The following CRABP1 variants were observed in gnomAD, a reference collection of about 807,000 sequenced individuals.
The protein encoded by CRABP1 is cellular retinoic acid-binding protein 1.
CRABP1 carries 9 observed loss-of-function variants against 16.4 expected under a neutral mutation model. The ratio of observed to expected loss-of-function variants is 0.55; its 90% CI spans 0.33 to 0.96. CRABP1 has a LOEUF of 0.96. Ranked by LOEUF, CRABP1 falls within the 40% of genes least tolerant of loss-of-function variation. CRABP1 has a pLI of 0.03. For missense variants in CRABP1, 157 were observed against 186.0 expected, an observed-to-expected ratio of 0.84 and a Z score of 0.91; for synonymous variants, 72 against 70.4, an observed-to-expected ratio of 1.02 and a Z score of -0.11.
chr15:78,345,303 G>C (rs898422380), intron 3 of CRABP1, among the ~76,000 whole-genome samples: 1 of 152,164 alleles, frequency 6.6e-6, no homozygotes, highest in African/African-American at 2.4e-5. Context: ...GAGACTGCTT[G>C]ATCTTTCTCT....
In CRABP1 at chr15:78,340,443, C is replaced by T. The variant is rs748718781; in HGVS notation, c.15C>T (p.Ala5=). The change falls in exon 1 of 4, where the codon GCC becomes GCT. Residue 5 remains alanine, a synonymous_variant. Transcript: ENST00000299529. Reference sequence around the variant, plus strand: ...CCACCGCCACCATGCCCAACTTCGCCGGCACCTGGAAGATGCGCAGCAGCG... The same window carrying T: ...CCACCGCCACCATGCCCAACTTCGCTGGCACCTGGAAGATGCGCAGCAGCG... MPNF[A]GTWKMRSSEN... The T allele has an allele frequency of 6.2e-7, 1 of 1,602,250 alleles. No individual in the cohort carries two copies. Among genetic ancestry groups the T allele is most frequent in the Non-Finnish European group, 8.5e-7 (1 of 1,175,940 alleles).
intron 3 of CRABP1, 84 bp from the exon 4 acceptor site, chr15:78,347,843 T>G: frequency 7.9e-7 from 1 of 1,258,010 alleles, no homozygotes; most frequent in Non-Finnish European, 1.2e-6. Flanking sequence ...AACAGGGCAA[T>G]AAGTGGCCTT....
Position 78,343,415 on chromosome 15 carries a change from C to T in CRABP1, c.250-84C>T, listed in dbSNP as rs1595955508. The T allele has an allele frequency of 1.2e-5, 12 of 1,038,492 alleles. No homozygotes were observed. In the East Asian group the frequency reaches 3.0e-4, roughly 26 times the overall value. The allele number at this position is 1,038,492 out of a possible 1,614,324, so 64.3% of individuals were successfully genotyped here. On this transcript the variant is annotated intron_variant, in intron 2 of 3. Coordinates refer to ENST00000299529, the MANE Select transcript of CRABP1 (RefSeq NM_004378.3). ...GACCATGTGTTGATTCTCTGCAGAG[C>T]AATTATTTTTCAATGCTCATTGTTG...
intron 3 of CRABP1, among the ~76,000 whole-genome samples, chr15:78,347,565 T>C (rs1271282497): frequency 6.6e-6 from 1 of 152,216 alleles, no homozygotes; most frequent in African/African-American, 2.4e-5. Context: ...CTTCTTTCTA[T>C]CTTGAAGTCA....
chr15:78,340,990 C>A, intron 1 of CRABP1, 53 bp from the exon 2 acceptor site: 1 of 1,561,800 alleles, frequency 6.4e-7, no homozygotes, highest in Non-Finnish European at 8.7e-7. Flanking sequence ...CCGACCGGTC[C>A]CGAGACTGGC....
At chr15:78,347,800 C>T in intron 3 of CRABP1, 127 bp from the exon 4 acceptor site, 1 of 863,006 alleles carries the variant, frequency 1.2e-6, no homozygotes, top group Non-Finnish European at 1.9e-6. Flanking sequence ...AGCACACACA[C>T]AGGAAATTGA....
At chr15:78,346,954 T>A (rs1344704525) in intron 3 of CRABP1, among the ~76,000 whole-genome samples, 2 of 152,094 alleles carry the variant, frequency 1.3e-5, no homozygotes, top group Non-Finnish European at 2.9e-5. Flanking sequence ...ACATCAGGTT[T>A]ACAGACTGGG....
Position 78,340,409 on chromosome 15 carries a change from C to A in CRABP1, c.-20C>A. ...GCTGCGCCGCCGCTGTCCGTACCTG[C>A]CGCCGCCGCCACCGCCACCATGCCC... On this transcript the variant is annotated 5_prime_UTR_variant, in exon 1 of 4. Coordinates refer to ENST00000299529, the MANE Select transcript of CRABP1 (RefSeq NM_004378.3). 6.3e-7 allele frequency: 1 copy of A among 1,577,826 alleles called. No homozygotes were observed. The highest frequency in any genetic ancestry group is 8.6e-7 in the Non-Finnish European group (1 of 1,163,456).
At chr15:78,346,987 G>GTTTTT (rs202225866) in intron 3 of CRABP1, among the ~76,000 whole-genome samples, 3 of 143,232 alleles carry the variant, frequency 2.1e-5, no homozygotes, top group East Asian at 2.1e-4. Flanking sequence ...CTTGGTTTTT[G>GTTTTT]TTTTTGTTTT....
chr15:78,348,159 C>T lies in CRABP1; in HGVS notation c.*182C>T. The T allele has an allele frequency of 1.7e-6, 1 of 601,782 alleles. No homozygotes were observed. The highest frequency in any genetic ancestry group is 2.1e-5 in the South Asian group (1 of 48,150). The allele number at this position is 601,782 out of a possible 1,614,324, so 37.3% of individuals were successfully genotyped here. A position where few individuals can be genotyped will look rare whatever the true frequency, so the allele number is the denominator to read the frequency against. Reference sequence around the variant, plus strand: ...CCCCAGGCCTTGGTGCCTCTTGTATCCCTAGTGCTCCATAGTTTGGCATTT... The same window carrying T: ...CCCCAGGCCTTGGTGCCTCTTGTATTCCTAGTGCTCCATAGTTTGGCATTT... On this transcript the variant is annotated 3_prime_UTR_variant, in exon 4 of 4. Coordinates refer to ENST00000299529, the MANE Select transcript of CRABP1 (RefSeq NM_004378.3).
At chr15:78,346,534 T>C (rs2050266501) in intron 3 of CRABP1, among the ~76,000 whole-genome samples, 1 of 152,180 alleles carries the variant, frequency 6.6e-6, no homozygotes, top group African/African-American at 2.4e-5. Context: ...CTGGGCATGG[T>C]GGTGTATGCC....
intron 3 of CRABP1, among the ~76,000 whole-genome samples, chr15:78,345,162 C>CT (rs1349452344): frequency 9.2e-5 from 14 of 152,282 alleles, no homozygotes; most frequent in African/African-American, 3.4e-4. Flanking sequence ...CATAGGCCTT[C>CT]CCTTCCCAAG....
intron 3 of CRABP1, among the ~76,000 whole-genome samples, chr15:78,346,480 A>T (rs1173669819): frequency 1.3e-5 from 2 of 152,168 alleles, no homozygotes; most frequent in Non-Finnish European, 2.9e-5. Flanking sequence ...CAGCCTGGCC[A>T]ACAAGGTAAA....
chr15:78,343,333 C>G (rs1011654530), intron 2 of CRABP1, among the ~76,000 whole-genome samples, 166 bp from the exon 3 acceptor site: 1 of 152,068 alleles, frequency 6.6e-6, no homozygotes. Context: ...GTGACCAGCA[C>G]TCTGAATTTG....
In CRABP1 at chr15:78,340,463, G is replaced by A. The variant is rs1431286677; in HGVS notation, c.35G>A (p.Ser12Asn). The A allele has an allele frequency of 1.2e-6, 2 of 1,606,548 alleles. No individual in the cohort carries two copies. The highest frequency in any genetic ancestry group is 1.7e-6 in the Non-Finnish European group (2 of 1,177,890). Reference protein sequence around the residue: ...PNFAGTWKMRSSENFDELLKA... With the variant: ...PNFAGTWKMRNSENFDELLKA... The stretch of plus-strand genomic sequence containing the variant: ...TTCGCCGGCACCTGGAAGATGCGCA[G>A]CAGCGAGAATTTCGACGAGCTGCTC... The change falls in exon 1 of 4, where the codon AGC becomes AAC. Residue 12 changes from serine to asparagine, a missense_variant. Transcript: ENST00000299529.
rs2050231385 is a variant in CRABP1, at chr15:78,341,137, A to G, written c.165A>G (p.Thr55=). The change falls in exon 2 of 4, where the codon ACA becomes ACG. Residue 55 remains threonine (T), a synonymous_variant. Coordinates refer to ENST00000299529, the MANE Select transcript of CRABP1 (RefSeq NM_004378.3). The surrounding 1 kb of genome is among the most constrained non-coding windows in gnomAD (Gnocchi z 5.3). ...RQDGDQFYIK[T]STTVRTTEIN... ...ACGGGGATCAGTTCTACATCAAGAC[A>G]TCCACCACGGTGCGCACCACTGAGA... The G allele has an allele frequency of 1.2e-6, 2 of 1,613,008 alleles. No individual in the cohort carries two copies. The highest frequency in any genetic ancestry group is 1.7e-5 in the Admixed American group (1 of 59,856).
intron 3 of CRABP1, 60 bp downstream of exon 3, chr15:78,343,672 G>A: frequency 1.5e-6 from 2 of 1,323,136 alleles, no homozygotes; most frequent in African/African-American, 1.5e-5. Flanking sequence ...CCCCAGATGG[G>A]CCCCACAAAT....
intron 2 of CRABP1, among the ~76,000 whole-genome samples, chr15:78,342,562 GA>G (rs2050241307): frequency 6.6e-6 from 1 of 152,074 alleles, no homozygotes; most frequent in African/African-American, 2.4e-5. Context: ...AGACACTGGG[GA>G]AAAACTTCAG....
chr15:78,343,741 A>G (rs2050248940), intron 3 of CRABP1, 129 bp downstream of exon 3: 1 of 664,674 alleles, frequency 1.5e-6, no homozygotes, highest in Admixed American at 2.9e-5. Flanking sequence ...TTAAAATTAG[A>G]GCAGAAAACC....
Sources: allele counts gnomAD v4.1 joint callset (sites outside exome capture counted in the v4.1 genomes callset), GRCh38; gene constraint gnomAD v4.1.1; non-coding constraint Gnocchi (gnomAD v3.1); transcripts MANE v1.5; gene names NCBI Gene and HGNC (gene_info 2026-07-23, HGNC 2026-07-21).